GSE1: variants seen among roughly 807,000 people sequenced by gnomAD.
GSE1 encodes Gse1 coiled-coil protein.
A neutral mutation model predicts 112.6 loss-of-function variants in GSE1; 32 were observed. The observed-to-expected ratio is 0.28, with a 90% CI of 0.21 to 0.38. The LOEUF is 0.38. Among genes scored for constraint, GSE1 ranks in the 10% least tolerant of loss-of-function variants. GSE1 has a pLI of 1.00. For synonymous variants in GSE1, 1,115 were observed against 735.6 expected (o/e 1.52, Z -8.35); for missense variants, 2,348 against 1,699.2 (o/e 1.38, Z -6.71).
intron 1 of GSE1, among the ~76,000 whole-genome samples, chr16:85,322,719 G>A (rs985057562): frequency 4.0e-5 from 6 of 151,210 alleles, no homozygotes; most frequent in African/African-American, 1.2e-4. Context: ...GAGTTCAAGC[G>A]ATTCTCCTGC....
At chr16:85,471,235 C>G (rs1349899903) in intron 2 of GSE1, among the ~76,000 whole-genome samples, 1 of 152,226 alleles carries the variant, frequency 6.6e-6, no homozygotes, top group Admixed American at 6.5e-5. Flanking sequence ...GGGCAGGTCC[C>G]CAGCTCCAGG....
intron 1 of GSE1, among the ~76,000 whole-genome samples, chr16:85,278,073 C>T (rs548714512): frequency 1.3e-5 from 2 of 152,356 alleles, no homozygotes; most frequent in Non-Finnish European, 2.9e-5. Context: ...ACAGCTGTCC[C>T]GCGAGGAAGG....
chr16:85,466,550 G>C (rs1285567940), intron 2 of GSE1, among the ~76,000 whole-genome samples: 2 of 152,226 alleles, frequency 1.3e-5, no homozygotes, highest in African/African-American at 2.4e-5. Flanking sequence ...GTGCCTTATA[G>C]ATAGGGCCAG....
At chr16:85,559,081 C>T (rs1156533531) in intron 1 of GSE1, among the ~76,000 whole-genome samples, 3 of 152,322 alleles carry the variant, frequency 2.0e-5, no homozygotes, top group East Asian at 3.9e-4. Flanking sequence ...TGGTCTCGAA[C>T]TCCTGACCTC....
At chr16:85,457,017 C>T (rs751798650) in intron 2 of GSE1, among the ~76,000 whole-genome samples, 3 of 152,166 alleles carry the variant, frequency 2.0e-5, no homozygotes, top group Admixed American at 6.5e-5. Flanking sequence ...TCTGGGGGCT[C>T]GAAAGAATCT....
chr16:85,339,349 G>A (rs2046574276), intron 1 of GSE1, among the ~76,000 whole-genome samples: 1 of 152,168 alleles, frequency 6.6e-6, no homozygotes, highest in Admixed American at 6.5e-5. Context: ...ACCCAGGGCT[G>A]TGCTCGCTCC....
At chr16:85,614,534 C>A (rs188893581) in intron 1 of GSE1, among the ~76,000 whole-genome samples, 20 of 152,248 alleles carry the variant, frequency 1.3e-4, no homozygotes, top group African/African-American at 3.6e-4. Context: ...GAAGGGACAC[C>A]GCGACACCCT....
intron 1 of GSE1, among the ~76,000 whole-genome samples, chr16:85,237,985 G>T (rs1281259871): frequency 6.6e-6 from 1 of 152,222 alleles, no homozygotes; most frequent in Non-Finnish European, 1.5e-5. Context: ...ATGAATGAAT[G>T]AATGAATGAA....
chr16:85,184,981 T>A (rs2074670149), intron 1 of GSE1: 1 of 152,234 alleles, frequency 6.6e-6, no homozygotes, highest in Non-Finnish European at 1.5e-5. Flanking sequence ...GGTCATTAAC[T>A]TTTTTTGTGT....
At chr16:85,520,246 A>C (rs1236842197) in intron 2 of GSE1, among the ~76,000 whole-genome samples, 1 of 152,054 alleles carries the variant, frequency 6.6e-6, no homozygotes, top group African/African-American at 2.4e-5. Flanking sequence ...GCTTAATCCC[A>C]TCGTGAGGGC....
At position 85,293,641 on chromosome 16, in the gene GSE1, G is replaced by A. The variant is rs75255158; in HGVS notation, c.2284-63822G>A. Among the ~76,000 whole-genome samples the A allele has an allele frequency of 3.0e-4, 46 of 152,202 alleles. 1 individual carries two copies. The highest frequency in any genetic ancestry group is 6.0e-4 in the Non-Finnish European group (41 of 68,040). ...TCCGAAGTCCGGAATCAGGGTGTCA[G>A]CGGGACGGCTTCCTTCTGCTGGAGC... is the stretch of plus-strand genomic sequence containing the variant. On this transcript the variant is annotated intron_variant, in intron 1 of 2. Coordinates refer to the GSE1 transcript ENST00000637419.
chr16:85,421,549 C>T (rs781612985), intron 2 of GSE1, among the ~76,000 whole-genome samples: 1 of 152,230 alleles, frequency 6.6e-6, no homozygotes, highest in Non-Finnish European at 1.5e-5. Context: ...ATTCAACAAA[C>T]AGCTGCACAG....
chr16:85,347,535 A>G (rs553400715), intron 1 of GSE1, among the ~76,000 whole-genome samples: 28 of 152,290 alleles, frequency 1.8e-4, no homozygotes, highest in Middle Eastern at 3.4e-3. Flanking sequence ...TTTCGTCAAC[A>G]TGGATGGATC....
chr16:85,647,145 C>T (rs1486544717), intron 2 of GSE1, among the ~76,000 whole-genome samples: 1 of 152,218 alleles, frequency 6.6e-6, no homozygotes, highest in African/African-American at 2.4e-5. Context: ...ACCCCTGCCG[C>T]ACCTGCAGAT....
chr16:85,637,295 C>G lies in GSE1; in HGVS notation c.226+3163C>G, dbSNP rs529765522. Reference sequence around the variant, plus strand: ...TGTCTGGACCCTGAGCGTGACATCTCCTGGTCCTTGTGGGCCATCTGCGGC... The same window carrying G: ...TGTCTGGACCCTGAGCGTGACATCTGCTGGTCCTTGTGGGCCATCTGCGGC... On this transcript the variant is annotated intron_variant, in intron 2 of 15. Coordinates refer to ENST00000253458, the MANE Select transcript of GSE1 (RefSeq NM_014615.5). Among the ~76,000 whole-genome samples, 12 of 152,340 alleles carry G rather than the reference C, an allele frequency of 7.9e-5. No homozygotes were observed. In the South Asian group the frequency reaches 2.3e-3, roughly 29 times the overall value.
intron 1 of GSE1, among the ~76,000 whole-genome samples, chr16:85,244,830 A>C (rs1023356957): frequency 1.3e-5 from 2 of 152,008 alleles, no homozygotes; most frequent in Non-Finnish European, 2.9e-5. Flanking sequence ...GTCTCTACTA[A>C]AAATACAAAA....
Position 85,379,720 on chromosome 16 carries a change from T to A in GSE1, c.2464+22077T>A, listed in dbSNP as rs1284339944. ...TGAAGGGGCGCCAGGAGTCCCGGAG[T>A]CCCCTCAGCCTGGCTGTGCACTTCC... On this transcript the variant is annotated intron_variant, in intron 2 of 2. Coordinates refer to the GSE1 transcript ENST00000637419. 3.3e-5 allele frequency among the ~76,000 whole-genome samples: 5 copies of A among 152,014 alleles called. No homozygotes were observed. In the East Asian group the frequency reaches 7.7e-4, roughly 23 times the overall value.
chr16:85,169,561 C>A (rs2074326797), exon 1 of GSE1: 2 of 976,472 alleles, frequency 2.0e-6, no homozygotes, highest in South Asian at 9.2e-5. Context: ...CCGCAAGCAG[C>A]GGCTCATGGC....
chr16:85,490,120 G>C (rs1356035696), intron 2 of GSE1: 3 of 152,478 alleles, frequency 2.0e-5, no homozygotes, highest in South Asian at 4.1e-4. Context: ...ACATACAGGT[G>C]GGGGTGGTGG....
Sources: gnomAD v4.1 joint callset for allele counts (sites outside exome capture counted in the v4.1 genomes callset) on GRCh38, gnomAD v4.1.1 for gene constraint, MANE v1.5 for transcripts, NCBI Gene and HGNC (gene_info 2026-07-23, HGNC 2026-07-21) for gene names.